The following TUSC3 variants were observed in gnomAD, a reference collection of about 807,000 sequenced individuals.
TUSC3 encodes dolichyl-diphosphooligosaccharide--protein glycosyltransferase subunit TUSC3.
In TUSC3, 45 loss-of-function variants were observed where a neutral mutation model predicts 44.8. That is an observed-to-expected ratio of 1.00 (90% CI 0.79 to 1.29). The LOEUF (loss-of-function observed/expected upper bound fraction) is 1.29. Among genes scored for constraint, TUSC3 ranks in the 50% most tolerant of loss-of-function variants. The probability of loss-of-function intolerance (pLI) is 0.00; values close to 1 mark genes in which losing one functional copy is unlikely to be tolerated. For missense variants in TUSC3, 519 were observed against 437.9 expected, an observed-to-expected ratio of 1.19 and a Z score of -1.65; for synonymous variants, 212 against 152.9, an observed-to-expected ratio of 1.39 and a Z score of -2.85.
intron 1 of TUSC3, among the ~76,000 whole-genome samples, chr8:15,598,314 G>T (rs554360284): frequency 6.6e-6 from 1 of 151,730 alleles, no homozygotes. Flanking sequence ...CTTTTTGTTT[G>T]CAGTAGATTT....
chr8:15,792,220 T>G, the TUSC3 span, among the ~76,000 whole-genome samples: 1 of 152,202 alleles, frequency 6.6e-6, no homozygotes, highest in Non-Finnish European at 1.5e-5. Context: ...AGCAATGTTT[T>G]AAAACTTAAC....
chr8:15,738,513 CT>C (rs1403320293), intron 7 of TUSC3, among the ~76,000 whole-genome samples: 1 of 152,242 alleles, frequency 6.6e-6, no homozygotes, highest in East Asian at 1.9e-4. Context: ...CCTGTGACTA[CT>C]TTTGCACTAC....
At chr8:15,504,715 C>T (rs1279487085) in intron 2 of TUSC3, among the ~76,000 whole-genome samples, 21 of 139,018 alleles carry the variant, frequency 1.5e-4, no homozygotes, top group Middle Eastern at 4.0e-3. Context: ...TGCAGTGGTG[C>T]GATCTTGGCT....
chr8:15,488,243 G>C (rs1353164927), intron 2 of TUSC3, among the ~76,000 whole-genome samples: 1 of 151,396 alleles, frequency 6.6e-6, no homozygotes, highest in Non-Finnish European at 1.5e-5. Context: ...TGGTGGCTCA[G>C]ACCTATAATC....
intron 3 of TUSC3, 170 bp downstream of exon 3, chr8:15,650,984 TAC>T (rs3070913): frequency 0.091 from 45,133 of 498,658 alleles, 1,242 homozygotes; most frequent in South Asian, 0.13. Context: ...GCAAGACTTT[TAC>T]ACACACACAC....
the TUSC3 span, among the ~76,000 whole-genome samples, chr8:15,825,156 A>G: frequency 1.3e-5 from 2 of 152,150 alleles, no homozygotes; most frequent in Non-Finnish European, 2.9e-5. Flanking sequence ...GTAATGGCCA[A>G]TGACAATTTT....
intron 1 of TUSC3, among the ~76,000 whole-genome samples, chr8:15,436,597 T>C (rs1262391733): frequency 6.6e-6 from 1 of 152,230 alleles, no homozygotes; most frequent in Non-Finnish European, 1.5e-5. Flanking sequence ...AGCATGATTT[T>C]TTATGTTAAT....
chr8:15,597,118 T>G (rs890833986), intron 1 of TUSC3, among the ~76,000 whole-genome samples: 21 of 152,032 alleles, frequency 1.4e-4, no homozygotes, highest in Non-Finnish European at 2.2e-4. Flanking sequence ...ATAAATAGAA[T>G]ATGGAGATGA....
At chr8:15,787,048 C>G in the TUSC3 span, among the ~76,000 whole-genome samples, 11 of 149,788 alleles carry the variant, frequency 7.3e-5, no homozygotes, top group Admixed American at 3.3e-4. Context: ...TTGCTATATT[C>G]AATGCTTTTT....
chr8:15,421,980 G>A (rs1035691208), intron 1 of TUSC3, among the ~76,000 whole-genome samples: 4 of 152,064 alleles, frequency 2.6e-5, no homozygotes, highest in Non-Finnish European at 1.5e-5. Flanking sequence ...TTCTCTGGGA[G>A]CATCATAATG....
chr8:15,472,325 C>A (rs1212314464), intron 1 of TUSC3, among the ~76,000 whole-genome samples: 1 of 152,020 alleles, frequency 6.6e-6, no homozygotes, highest in African/African-American at 2.4e-5. Flanking sequence ...AGACAGTGGA[C>A]CACAGAAATG....
intron 2 of TUSC3, among the ~76,000 whole-genome samples, chr8:15,508,984 GCCTGGTAGAGTTATAATT>G (rs537775949): frequency 3.4e-4 from 52 of 152,206 alleles, no homozygotes; most frequent in African/African-American, 1.2e-3. Flanking sequence ...CAGAAGTTGC[GCCTGGTAGAGTTATAATT>G]CAAGATAAGA....
Position 15,764,491 on chromosome 8 carries a change from T to A in TUSC3, c.*335T>A. ...AAATGACAATGTAATTATGAATTCA[T>A]GTTTTAGAGCTGTTTACTCATTAGT... On this transcript the variant is annotated 3_prime_UTR_variant, in exon 11 of 11. Coordinates refer to ENST00000503731, the MANE Select transcript of TUSC3 (RefSeq NM_006765.4). The A allele has an allele frequency of 2.6e-6, 1 of 385,678 alleles. No homozygotes were observed. The highest frequency in any genetic ancestry group is 2.8e-5 in the South Asian group (1 of 35,104). 23.9% of individuals were successfully genotyped at this position (385,678 alleles called of 1,614,324 possible).
intron 1 of TUSC3, among the ~76,000 whole-genome samples, chr8:15,427,260 A>T (rs1371221265): frequency 1.3e-5 from 2 of 149,310 alleles, no homozygotes; most frequent in African/African-American, 2.5e-5. Flanking sequence ...GTTTAATATA[A>T]TCCTGTTACA....
At chr8:15,751,367 C>G (rs949835517) in intron 9 of TUSC3, among the ~76,000 whole-genome samples, 3 of 152,202 alleles carry the variant, frequency 2.0e-5, no homozygotes, top group African/African-American at 7.2e-5. Flanking sequence ...TGGCTAATCT[C>G]TTGCTCCAAT....
At chr8:15,474,809 T>C (rs933956828) in intron 1 of TUSC3, among the ~76,000 whole-genome samples, 2 of 152,154 alleles carry the variant, frequency 1.3e-5, no homozygotes, top group African/African-American at 4.8e-5. Flanking sequence ...TATTTCACAG[T>C]CCCACTTCTC....
At chr8:15,611,442 C>T (rs953373402) in intron 1 of TUSC3, among the ~76,000 whole-genome samples, 4 of 152,316 alleles carry the variant, frequency 2.6e-5, no homozygotes, top group African/African-American at 7.2e-5. Flanking sequence ...CCGCACCGGC[C>T]TCCCAAAGTG....
chr8:15,804,427 T>C, the TUSC3 span, among the ~76,000 whole-genome samples: 1 of 152,210 alleles, frequency 6.6e-6, no homozygotes, highest in Non-Finnish European at 1.5e-5. Context: ...GACTGGTGTT[T>C]TTTAGGTTTT....
Position 15,468,788 on chromosome 8 carries a change from C to T in TUSC3, n.92-14598C>T, listed in dbSNP as rs548971965. Among the ~76,000 whole-genome samples the T allele has an allele frequency of 1.4e-4, 22 of 152,110 alleles. 1 individual carries two copies. Among genetic ancestry groups the T allele is most frequent in the African/African-American group, 5.1e-4 (21 of 41,506 alleles). Reference sequence around the variant, plus strand: ...ATGCTTTCAGGAGATTCAAGGGATTCCTCTCTGTCTTGAATATATAAATTA... The same window carrying T: ...ATGCTTTCAGGAGATTCAAGGGATTTCTCTCTGTCTTGAATATATAAATTA... On this transcript the variant is annotated intron_variant and non_coding_transcript_variant, in intron 1 of 5. Coordinates refer to the TUSC3 transcript ENST00000503191.
Sources: gnomAD v4.1 joint callset for allele counts (sites outside exome capture counted in the v4.1 genomes callset) on GRCh38, gnomAD v4.1.1 for gene constraint, MANE v1.5 for transcripts, NCBI Gene and HGNC (gene_info 2026-07-23, HGNC 2026-07-21) for gene names.